The following FHDC1 variants were observed in gnomAD, a reference collection of about 807,000 sequenced individuals.
FHDC1 encodes FH2 domain containing 1, also known as FH2 domain-containing protein 1.
A neutral mutation model predicts 52.6 loss-of-function variants in FHDC1; 25 were observed. That is an observed-to-expected ratio of 0.48 (90% CI 0.35 to 0.66). The LOEUF (loss-of-function observed/expected upper bound fraction) is 0.66. Ranked by LOEUF, FHDC1 falls within the 30% of genes least tolerant of loss-of-function variation. FHDC1 has a pLI of 0.01. For synonymous variants in FHDC1, 616 were observed against 581.5 expected, an observed-to-expected ratio of 1.06 and a Z score of -0.85; for missense variants, 1,459 against 1,452.8, an observed-to-expected ratio of 1.00 and a Z score of -0.07.
intron 11 of FHDC1, 127 bp downstream of exon 11, chr4:152,972,668 G>C (rs1740675495): frequency 8.8e-7 from 1 of 1,138,994 alleles, no homozygotes. Flanking sequence ...TCTGGCCCAG[G>C]TGGTATTGCC....
At chr4:152,953,364 A>T in intron 2 of FHDC1, 135 bp from the exon 3 acceptor site, 1 of 661,858 alleles carries the variant, frequency 1.5e-6, no homozygotes, top group Non-Finnish European at 2.6e-6. Flanking sequence ...AATATCTGTT[A>T]ATCACCAGAT....
chr4:152,951,716 A>T (rs1739932212), intron 2 of FHDC1, among the ~76,000 whole-genome samples: 1 of 152,188 alleles, frequency 6.6e-6, no homozygotes. Flanking sequence ...AAGGAAGAGC[A>T]TTATAACAAC....
chr4:152,976,282 T>C lies in FHDC1; in HGVS notation c.2991T>C (p.Pro997=), dbSNP rs370921422. 6.2e-6 allele frequency: 10 copies of C among 1,613,290 alleles called. No individual in the cohort carries two copies. In the African/African-American group the frequency reaches 1.1e-4, roughly 17 times the overall value. Residue 997 remains proline, a synonymous_variant, in exon 12 of 12, where the codon CCT becomes CCC. Coordinates refer to ENST00000511601, the MANE Select transcript of FHDC1 (RefSeq NM_001371116.1). ...TCAGGAACCTCCCCAGACAGAAGCCTGAGGAAAATAAGACCTGCCGCGCCC... is the reference window on the plus strand; with the variant it reads ...TCAGGAACCTCCCCAGACAGAAGCCCGAGGAAAATAAGACCTGCCGCGCCC... ...KPLRNLPRQK[P]EENKTCRAHS...
chr4:152,975,398 C>G lies in FHDC1; in HGVS notation c.2107C>G (p.Pro703Ala). ...TSQLTLSDFSPMELESVGHRG... is the reference protein window; with the variant it reads ...TSQLTLSDFSAMELESVGHRG... ...CCAGCTGACTCTGAGTGACTTCAGC[C>G]CGATGGAGCTAGAGTCTGTGGGGCA... Residue 703 changes from proline to alanine, a missense_variant, in exon 12 of 12, where the codon CCG (proline) becomes GCG (alanine). Coordinates refer to ENST00000511601, the MANE Select transcript of FHDC1 (RefSeq NM_001371116.1). 6.2e-7 allele frequency: 1 copy of G among 1,613,636 alleles called. No individual in the cohort carries two copies. The highest frequency in any genetic ancestry group is 8.5e-7 in the Non-Finnish European group (1 of 1,180,032).
chr4:152,968,175 G>A, intron 10 of FHDC1, 78 bp downstream of exon 10: 2 of 985,450 alleles, frequency 2.0e-6, no homozygotes, highest in Non-Finnish European at 3.1e-6. Flanking sequence ...TTGCATGGGT[G>A]TATTTGTGGA....
At position 152,976,145 on chromosome 4, in the gene FHDC1, G is replaced by T; in HGVS notation, c.2854G>T (p.Ala952Ser). The T allele has an allele frequency of 6.2e-7, 1 of 1,611,544 alleles. No individual in the cohort carries two copies. The highest frequency in any genetic ancestry group is 8.5e-7 in the Non-Finnish European group (1 of 1,179,264). Residue 952 changes from alanine to serine, a missense_variant, in exon 12 of 12, where the codon GCC (alanine) becomes TCC (serine). Coordinates refer to ENST00000511601, the MANE Select transcript of FHDC1 (RefSeq NM_001371116.1). ...CTCCGTGCGGAGGGCCTCCACAGGC[G>T]CCGAAGAGCAGAGGCTGCCGCGGGG... is the stretch of plus-strand genomic sequence containing the variant. The part of the protein sequence containing the change: ...QNSVRRASTG[A>S]EEQRLPRGSS...
At chr4:152,956,843 C>G (rs1382332710) in intron 4 of FHDC1, among the ~76,000 whole-genome samples, 2 of 152,222 alleles carry the variant, frequency 1.3e-5, no homozygotes, top group Non-Finnish European at 2.9e-5. Context: ...CAGCTCACCA[C>G]ACCCTCCAAA....
At position 152,960,374 on chromosome 4, in the gene FHDC1, T is replaced by G. The variant is rs139367390; in HGVS notation, c.664-191T>G. Among the ~76,000 whole-genome samples the G allele has an allele frequency of 4.7e-4, 71 of 152,326 alleles. 1 individual carries two copies. Among genetic ancestry groups the G allele is most frequent in the African/African-American group, 1.6e-3 (67 of 41,568 alleles). On this transcript the variant is annotated intron_variant, in intron 4 of 11. Coordinates refer to ENST00000511601, the MANE Select transcript of FHDC1 (RefSeq NM_001371116.1). ...CGCTAGCTCTTTGCTTTCAAATTTG[T>G]GAGTTTGTATTTTTCTTTTAAAAAA...
At chr4:152,955,946 G>T (rs578241018) in intron 4 of FHDC1, among the ~76,000 whole-genome samples, 14 of 152,010 alleles carry the variant, frequency 9.2e-5, no homozygotes, top group African/African-American at 2.2e-4. Flanking sequence ...CAACCTGGCC[G>T]CTCTCTCTCC....
At chr4:152,951,324 G>A (rs948937922) in intron 2 of FHDC1, among the ~76,000 whole-genome samples, 2 of 152,052 alleles carry the variant, frequency 1.3e-5, no homozygotes, top group African/African-American at 4.8e-5. Flanking sequence ...CTTTTAAAGG[G>A]TGTTGAGTTT....
chr4:152,917,644 A>G, the FHDC1 span, among the ~76,000 whole-genome samples: 5 of 151,924 alleles, frequency 3.3e-5, no homozygotes, highest in East Asian at 1.9e-4. Flanking sequence ...AACCATGGCA[A>G]TGGTTACTAT....
chr4:152,966,443 C>T (rs1740458587), intron 9 of FHDC1, among the ~76,000 whole-genome samples: 1 of 152,116 alleles, frequency 6.6e-6, no homozygotes, highest in Non-Finnish European at 1.5e-5. Context: ...GTAACAAAAC[C>T]ATCATTCACA....
chr4:152,936,681 G>A (rs1739389699), intron 1 of FHDC1, among the ~76,000 whole-genome samples: 1 of 152,286 alleles, frequency 6.6e-6, no homozygotes, highest in Non-Finnish European at 1.5e-5. Flanking sequence ...GGTCCCTGGA[G>A]GCGAGGACGC....
At chr4:152,920,667 T>A in the FHDC1 span, among the ~76,000 whole-genome samples, 1 of 152,138 alleles carries the variant, frequency 6.6e-6, no homozygotes, top group Middle Eastern at 3.2e-3. Flanking sequence ...AAAAATTAGT[T>A]GAAGGATAGA....
chr4:152,937,693 G>T (rs919832353), intron 1 of FHDC1, among the ~76,000 whole-genome samples: 1 of 151,882 alleles, frequency 6.6e-6, no homozygotes, highest in African/African-American at 2.4e-5. Context: ...CGCGGCGCGT[G>T]TGGGCGTCGA....
the FHDC1 span, chr4:152,911,678 C>T: frequency 6.6e-6 from 1 of 152,546 alleles, no homozygotes; most frequent in African/African-American, 2.4e-5. Flanking sequence ...TATATATGTT[C>T]AAATGCCTTT....
chr4:152,951,967 A>G (rs1739938023), intron 2 of FHDC1, among the ~76,000 whole-genome samples: 1 of 152,198 alleles, frequency 6.6e-6, no homozygotes, highest in African/African-American at 2.4e-5. Flanking sequence ...CCCATATTTC[A>G]TTAAATAAAA....
At chr4:152,915,815 T>G in the FHDC1 span, among the ~76,000 whole-genome samples, 1 of 152,162 alleles carries the variant, frequency 6.6e-6, no homozygotes, top group Non-Finnish European at 1.5e-5. Flanking sequence ...ACCCTACAAA[T>G]GGCTCAATTT....
At chr4:152,921,246 C>A in the FHDC1 span, among the ~76,000 whole-genome samples, 1 of 151,600 alleles carries the variant, frequency 6.6e-6, no homozygotes, top group Non-Finnish European at 1.5e-5. Context: ...GAACACATTT[C>A]TTTTTTAGAA....
Sources: gnomAD v4.1 joint callset for allele counts (sites outside exome capture counted in the v4.1 genomes callset) on GRCh38, gnomAD v4.1.1 for gene constraint, MANE v1.5 for transcripts, NCBI Gene and HGNC (gene_info 2026-07-23, HGNC 2026-07-21) for gene names.